CNTN5: variants seen among roughly 807,000 people sequenced by gnomAD.
CNTN5 encodes contactin-5.
Under a neutral mutation model 129.1 loss-of-function variants are expected in CNTN5, and 77 were observed. That is an observed-to-expected ratio of 0.60 (90% confidence interval 0.50 to 0.72). The LOEUF is 0.72. Ranked by LOEUF, CNTN5 falls within the 30% of genes least tolerant of loss-of-function variation. The pLI is 0.00. For missense variants in CNTN5, 1,478 were observed against 1,328.8 expected (o/e 1.11, Z -1.75); for synonymous variants, 509 against 465.6 (o/e 1.09, Z -1.20).
chr11:99,812,390 T>C (rs1044680327), intron 3 of CNTN5, among the ~76,000 whole-genome samples: 4 of 152,080 alleles, frequency 2.6e-5, no homozygotes, highest in African/African-American at 7.2e-5. Context: ...CTGGAAAGGG[T>C]AAACTCAGTA....
chr11:99,662,673 T>C (rs980335068), intron 3 of CNTN5, among the ~76,000 whole-genome samples: 13 of 152,210 alleles, frequency 8.5e-5, no homozygotes, highest in Non-Finnish European at 4.4e-5. Flanking sequence ...TTTAGCATCA[T>C]TATATTCTAA....
At chr11:99,540,664 C>T (rs1344207699) in intron 2 of CNTN5, among the ~76,000 whole-genome samples, 3 of 152,104 alleles carry the variant, frequency 2.0e-5, no homozygotes, top group Non-Finnish European at 4.4e-5. Flanking sequence ...TGGGAAGGAG[C>T]ATGAATGAAG....
intron 15 of CNTN5, among the ~76,000 whole-genome samples, chr11:100,210,930 T>A (rs1565345100): frequency 6.6e-6 from 1 of 152,208 alleles, no homozygotes; most frequent in East Asian, 1.9e-4. Context: ...GCTGCCAAGA[T>A]AAGTTTGAAG....
At chr11:99,736,816 T>G (rs2135133180) in intron 3 of CNTN5, among the ~76,000 whole-genome samples, 1 of 152,296 alleles carries the variant, frequency 6.6e-6, no homozygotes, top group South Asian at 2.1e-4. Flanking sequence ...TTAAATAAGA[T>G]ACAGTCTTAT....
At chr11:99,367,805 C>A (rs1485720675) in intron 2 of CNTN5, among the ~76,000 whole-genome samples, 3 of 152,060 alleles carry the variant, frequency 2.0e-5, no homozygotes. Context: ...GAATTAAGAA[C>A]ACCAGTACCT....
intron 3 of CNTN5, among the ~76,000 whole-genome samples, chr11:99,634,804 A>C (rs1951490966): frequency 6.6e-6 from 1 of 152,190 alleles, no homozygotes. Flanking sequence ...GGATTGGAAC[A>C]GAAGTAGGCA....
At chr11:100,059,436 A>C (rs898867027) in intron 9 of CNTN5, among the ~76,000 whole-genome samples, 1 of 152,138 alleles carries the variant, frequency 6.6e-6, no homozygotes, top group African/African-American at 2.4e-5. Context: ...TCATAAACTA[A>C]CAATACACTG....
At chr11:99,648,863 A>C (rs1401995649) in intron 3 of CNTN5, among the ~76,000 whole-genome samples, 1 of 151,840 alleles carries the variant, frequency 6.6e-6, no homozygotes, top group Non-Finnish European at 1.5e-5. Flanking sequence ...AATTCACAGA[A>C]GTAAAGACTG....
intron 2 of CNTN5, among the ~76,000 whole-genome samples, chr11:99,351,654 T>C (rs1249258150): frequency 6.6e-6 from 1 of 152,220 alleles, no homozygotes; most frequent in African/African-American, 2.4e-5. Flanking sequence ...TATACAGTAT[T>C]TCTCTTCATG....
In CNTN5 at chr11:100,008,434, T is replaced by C. The variant is rs1359750855; in HGVS notation, c.980+6298T>C. ...CAAAATATAAGAGTTGGGCTTTGTGTAGCTCATTTCATAAATATAGTAGAC... is the reference window on the plus strand; with the variant it reads ...CAAAATATAAGAGTTGGGCTTTGTGCAGCTCATTTCATAAATATAGTAGAC... On this transcript the variant is annotated intron_variant, in intron 9 of 24. Coordinates refer to ENST00000524871, the MANE Select transcript of CNTN5 (RefSeq NM_014361.4). 2.0e-5 allele frequency among the ~76,000 whole-genome samples: 3 copies of C among 152,092 alleles called. No homozygotes were observed. The East Asian group carries it at 5.8e-4, about 29-fold the overall frequency.
At chr11:100,161,350 T>A (rs1253497590) in intron 13 of CNTN5, among the ~76,000 whole-genome samples, 1 of 151,898 alleles carries the variant, frequency 6.6e-6, no homozygotes, top group Non-Finnish European at 1.5e-5. Flanking sequence ...AGGACATTTC[T>A]AGCAGACTGA....
chr11:99,181,955 G>A (rs2135567156), intron 1 of CNTN5, among the ~76,000 whole-genome samples: 1 of 152,220 alleles, frequency 6.6e-6, no homozygotes, highest in East Asian at 1.9e-4. Context: ...TATATAAAAT[G>A]ACCTTTAACT....
chr11:99,430,600 C>T (rs1943323987), intron 2 of CNTN5, among the ~76,000 whole-genome samples: 1 of 151,412 alleles, frequency 6.6e-6, no homozygotes, highest in South Asian at 2.1e-4. Flanking sequence ...TATGTATATA[C>T]AGACACACAC....
At chr11:99,539,565 A>C (rs756858417) in intron 2 of CNTN5, among the ~76,000 whole-genome samples, 8 of 152,122 alleles carry the variant, frequency 5.3e-5, no homozygotes, top group Admixed American at 2.6e-4. Flanking sequence ...GTATCATAAA[A>C]ATTTATGAAA....
At chr11:99,037,576 CTTTTTTT>C (rs1161467398) in intron 1 of CNTN5, among the ~76,000 whole-genome samples, 4 of 105,670 alleles carry the variant, frequency 3.8e-5, no homozygotes, top group East Asian at 2.7e-4. Context: ...TTTTTCTTTT[CTTTTTTT>C]TTTTTTTTTT....
chr11:99,748,062 A>T (rs1264361432), intron 3 of CNTN5, among the ~76,000 whole-genome samples: 2 of 152,142 alleles, frequency 1.3e-5, no homozygotes, highest in Non-Finnish European at 2.9e-5. Context: ...TCTAAATCCC[A>T]TCCAATCATA....
At chr11:99,842,984 A>G (rs1947562278) in intron 4 of CNTN5, among the ~76,000 whole-genome samples, 1 of 152,152 alleles carries the variant, frequency 6.6e-6, no homozygotes, top group Non-Finnish European at 1.5e-5. Flanking sequence ...CATTCCCAGC[A>G]CTTTGGGAGG....
chr11:100,175,615 G>A (rs552933773), intron 13 of CNTN5, among the ~76,000 whole-genome samples: 1 of 152,232 alleles, frequency 6.6e-6, no homozygotes, highest in Admixed American at 6.5e-5. Flanking sequence ...TAGTCAAGGA[G>A]ACACTGACGG....
intron 1 of CNTN5, among the ~76,000 whole-genome samples, chr11:99,101,303 A>G (rs1482157080): frequency 1.3e-5 from 2 of 152,178 alleles, no homozygotes; most frequent in Non-Finnish European, 2.9e-5. Flanking sequence ...AACACATGAT[A>G]AACCATATCA....
Sources: gnomAD v4.1 joint callset for allele counts (sites outside exome capture counted in the v4.1 genomes callset) on GRCh38, gnomAD v4.1.1 for gene constraint, MANE v1.5 for transcripts, NCBI Gene and HGNC (gene_info 2026-07-23, HGNC 2026-07-21) for gene names.